KIF21A: variants seen among roughly 807,000 people sequenced by gnomAD.
KIF21A encodes the protein kinesin-like protein KIF21A.
In KIF21A, 114 loss-of-function variants were observed where a neutral mutation model predicts 202.9. That is an observed-to-expected ratio of 0.56 (90% confidence interval 0.48 to 0.66). KIF21A has a LOEUF of 0.66. Among genes scored for constraint, KIF21A ranks in the 30% least tolerant of loss-of-function variants. The pLI is 0.00. For synonymous variants in KIF21A, 667 were observed against 670.8 expected, an observed-to-expected ratio of 0.99 and a Z score of 0.09; for missense variants, 1,677 against 1,994.9, an observed-to-expected ratio of 0.84 and a Z score of 3.04.
chr12:39,343,740 T>C (rs1445697323), intron 12 of KIF21A, among the ~76,000 whole-genome samples: 2 of 152,226 alleles, frequency 1.3e-5, no homozygotes, highest in Non-Finnish European at 2.9e-5. Context: ...ATTTAGTGTC[T>C]GTATTTCTCA....
At chr12:39,395,324 G>C (rs1163066573) in intron 1 of KIF21A, among the ~76,000 whole-genome samples, 1 of 152,086 alleles carries the variant, frequency 6.6e-6, no homozygotes, top group Non-Finnish European at 1.5e-5. Context: ...CATTGCTCTA[G>C]AATTGTTCTA....
At chr12:39,398,316 T>G (rs1951909641) in intron 1 of KIF21A, among the ~76,000 whole-genome samples, 1 of 152,122 alleles carries the variant, frequency 6.6e-6, no homozygotes, top group Admixed American at 6.6e-5. Context: ...ACACAAAAAA[T>G]AGGCCGGACA....
At chr12:39,328,925 C>A (rs931680920) in intron 24 of KIF21A, among the ~76,000 whole-genome samples, 1 of 152,208 alleles carries the variant, frequency 6.6e-6, no homozygotes, top group African/African-American at 2.4e-5. Context: ...CATAACTCTA[C>A]AGATCTCAAT....
chr12:39,376,776 T>A (rs1274380467), intron 1 of KIF21A, among the ~76,000 whole-genome samples: 2 of 152,166 alleles, frequency 1.3e-5, no homozygotes, highest in Admixed American at 1.3e-4. Context: ...CTTTTCAGAC[T>A]CTCTCTTACA....
In KIF21A at chr12:39,318,153, T is replaced by G. The variant is rs1462028525; in HGVS notation, c.3828A>C (p.Pro1276=). 1 of 1,613,706 alleles carries G rather than the reference T, an allele frequency of 6.2e-7. No individual in the cohort carries two copies. Among genetic ancestry groups the G allele is most frequent in the Non-Finnish European group, 8.5e-7 (1 of 1,179,692 alleles). The part of the protein sequence containing the change: ...SEASLSPPSS[P]PSRPRNELNV... ...TCAGTTCATTACGGGGCCGGCTTGGTGGGGAAGAAGGAGGTGAAAGACTAG... is the reference window on the plus strand; with the variant it reads ...TCAGTTCATTACGGGGCCGGCTTGGGGGGGAAGAAGGAGGTGAAAGACTAG... Residue 1276 remains proline (P), a synonymous_variant, in exon 29 of 38, where the codon CCA becomes CCC. Coordinates refer to ENST00000361418, the MANE Select transcript of KIF21A (RefSeq NM_001173464.2).
At chr12:39,305,012 G>A (rs1018940915) in intron 34 of KIF21A, 74 bp from the exon 35 acceptor site, 6 of 743,536 alleles carry the variant, frequency 8.1e-6, no homozygotes, top group African/African-American at 3.5e-5. Context: ...CAACATAAAC[G>A]ATCTACATTC....
chr12:39,322,637 A>G, intron 27 of KIF21A, 31 bp downstream of exon 27: 1 of 1,551,556 alleles, frequency 6.4e-7, no homozygotes. Flanking sequence ...AGCCAAAAGA[A>G]AAGAAGTTAG....
At position 39,293,540 on chromosome 12, in the gene KIF21A, C is replaced by T. The variant is rs938034488; in HGVS notation, c.*884G>A. Reference sequence around the variant, plus strand: ...AGCTCTCATCATAGCTACCAAGGTTCGCAAACATAGTATATTTAAAATATA... The same window carrying T: ...AGCTCTCATCATAGCTACCAAGGTTTGCAAACATAGTATATTTAAAATATA... On this transcript the variant is annotated 3_prime_UTR_variant, in exon 38 of 38. Transcript: ENST00000361418. 1.3e-5 allele frequency: 2 copies of T among 152,132 alleles called. No individual in the cohort carries two copies. Among genetic ancestry groups the T allele is most frequent in the South Asian group, 2.1e-4 (1 of 4,812 alleles). 9.4% of individuals were successfully genotyped at this position (152,132 alleles called of 1,614,324 possible). A position where few individuals can be genotyped will look rare whatever the true frequency, so the allele number is the denominator to read the frequency against.
intron 1 of KIF21A, among the ~76,000 whole-genome samples, chr12:39,384,175 A>C (rs1022742421): frequency 1.3e-5 from 2 of 152,234 alleles, no homozygotes; most frequent in South Asian, 4.1e-4. Flanking sequence ...AAAATAAATC[A>C]ACCAAAGAAA....
intron 1 of KIF21A, among the ~76,000 whole-genome samples, chr12:39,416,674 C>CATATATGTGTGTAT (rs1953667848): frequency 8.7e-6 from 1 of 115,582 alleles, no homozygotes; most frequent in African/African-American, 3.9e-5. Flanking sequence ...TATATATGTA[C>CATATATGTGTGTAT]ATATATATGT....
At chr12:39,301,829 G>A (rs1016969422) in intron 36 of KIF21A, 150 bp from the exon 37 acceptor site, 1 of 711,330 alleles carries the variant, frequency 1.4e-6, no homozygotes, top group Non-Finnish European at 2.4e-6. Context: ...CACTCTTAGT[G>A]ATTTAAAGAA....
At chr12:39,302,890 C>G in intron 36 of KIF21A, 75 bp downstream of exon 36, 1 of 1,201,114 alleles carries the variant, frequency 8.3e-7, no homozygotes, top group Middle Eastern at 2.7e-4. Flanking sequence ...TACATAGAAG[C>G]TCTTCAAGTT....
intron 33 of KIF21A, 143 bp downstream of exon 33, chr12:39,309,443 G>A: frequency 1.6e-6 from 1 of 614,524 alleles, no homozygotes; most frequent in East Asian, 2.8e-5. Flanking sequence ...TTTTCTTTGT[G>A]AACACTTTAA....
intron 1 of KIF21A, among the ~76,000 whole-genome samples, chr12:39,427,104 T>C (rs1009391971): frequency 2.0e-5 from 3 of 152,144 alleles, no homozygotes; most frequent in Non-Finnish European, 2.9e-5. Context: ...CTGAATCATC[T>C]TGCATTTCCC....
At chr12:39,322,613 A>AG in intron 27 of KIF21A, 55 bp downstream of exon 27, 1 of 1,269,030 alleles carries the variant, frequency 7.9e-7, no homozygotes, top group African/African-American at 1.5e-5. Flanking sequence ...CAACATGCAT[A>AG]CTTTTTTTTT....
Position 39,311,561 on chromosome 12 carries a change from G to A in KIF21A, c.3960-8C>T. 1 of 1,612,248 alleles carries A rather than the reference G, an allele frequency of 6.2e-7. No individual in the cohort carries two copies. Among genetic ancestry groups the A allele is most frequent in the Non-Finnish European group, 8.5e-7 (1 of 1,178,810 alleles). On this transcript the variant is annotated splice_polypyrimidine_tract_variant and splice_region_variant and intron_variant, in intron 31 of 37. Transcript: ENST00000361418. ...AATGGGTTGATTATGCCCCTAAGGT[G>A]GGGAAAAAACAAACAAACCAAGACT...
chr12:39,347,170 G>C (rs1416752929), intron 11 of KIF21A, among the ~76,000 whole-genome samples: 1 of 150,136 alleles, frequency 6.7e-6, no homozygotes, highest in African/African-American at 2.4e-5. Context: ...TTCACACTGG[G>C]ATTAAAGAGT....
At chr12:39,317,492 T>G (rs1343521285) in intron 29 of KIF21A, among the ~76,000 whole-genome samples, 1 of 152,160 alleles carries the variant, frequency 6.6e-6, no homozygotes, top group Non-Finnish European at 1.5e-5. Context: ...ACATTTACAT[T>G]TTCCACATCC....
At chr12:39,431,170 A>G (rs1435173895) in intron 1 of KIF21A, among the ~76,000 whole-genome samples, 1 of 152,168 alleles carries the variant, frequency 6.6e-6, no homozygotes, top group African/African-American at 2.4e-5. Flanking sequence ...GAAGTGAAGT[A>G]ATGTCCAGAG....
Sources: allele counts gnomAD v4.1 joint callset (sites outside exome capture counted in the v4.1 genomes callset), GRCh38; gene constraint gnomAD v4.1.1; transcripts MANE v1.5; gene names NCBI Gene and HGNC (gene_info 2026-07-23, HGNC 2026-07-21).